Variants in HPSE2 observed in about 807,000 individuals in gnomAD.
HPSE2 encodes inactive heparanase-2.
A neutral mutation model predicts 60.5 loss-of-function variants in HPSE2; 38 were observed. The ratio of observed to expected loss-of-function variants is 0.63; its 90% CI spans 0.48 to 0.82. The LOEUF is 0.82. HPSE2 is among the 40% of genes least tolerant of loss of function. The pLI, the probability that HPSE2 is intolerant of heterozygous loss-of-function variation, is 0.00. For missense variants in HPSE2, 713 were observed against 740.4 expected (o/e 0.96, Z 0.43); for synonymous variants, 295 against 293.2 (o/e 1.01, Z -0.06).
At chr10:99,104,498 G>A (rs1391218441) in intron 3 of HPSE2, among the ~76,000 whole-genome samples, 2 of 152,186 alleles carry the variant, frequency 1.3e-5, no homozygotes, top group Non-Finnish European at 2.9e-5. Context: ...GTGGAAGACA[G>A]TGTGGCAATT....
chr10:98,712,757 A>T (rs1391838434), intron 5 of HPSE2, among the ~76,000 whole-genome samples: 1 of 152,110 alleles, frequency 6.6e-6, no homozygotes. Flanking sequence ...AAAACTGTCT[A>T]GCTTTCTATT....
chr10:99,257,810 G>A, the HPSE2 span, among the ~76,000 whole-genome samples: 2 of 152,108 alleles, frequency 1.3e-5, no homozygotes, highest in East Asian at 1.9e-4. Context: ...CGGCTTGTGG[G>A]GCATCACGGA....
intron 3 of HPSE2, among the ~76,000 whole-genome samples, chr10:98,857,113 G>C (rs931888842): frequency 2.0e-5 from 3 of 152,156 alleles, no homozygotes; most frequent in Non-Finnish European, 4.4e-5. Context: ...TCTTTCAGGA[G>C]ATAGCAGACT....
At chr10:98,770,346 T>G (rs1950213860) in intron 3 of HPSE2, among the ~76,000 whole-genome samples, 1 of 152,182 alleles carries the variant, frequency 6.6e-6, no homozygotes, top group Non-Finnish European at 1.5e-5. Context: ...TTTGTGTATG[T>G]GTGTGCATGT....
intron 4 of HPSE2, 21 bp downstream of exon 4, chr10:98,743,862 G>C (rs1472303195): frequency 6.2e-7 from 1 of 1,605,576 alleles, no homozygotes; most frequent in African/African-American, 1.3e-5. Context: ...TCAATTCAGA[G>C]GAAGTAACAT....
Position 99,217,439 on chromosome 10 carries a change from T to C in HPSE2, c.448+14909A>G, listed in dbSNP as rs1386993403. ...TAGATTTGAAGGCCACTACAGACCA[T>C]CTGAAGTGCATTTGGCAAATCAACT... On this transcript the variant is annotated intron_variant, in intron 2 of 11. Transcript: ENST00000370552. Among the ~76,000 whole-genome samples, 5 of 152,092 alleles carry C rather than the reference T, an allele frequency of 3.3e-5. No homozygotes were observed. The South Asian group carries it at 1.0e-3, about 32-fold the overall frequency.
intron 2 of HPSE2, among the ~76,000 whole-genome samples, chr10:99,216,407 C>T (rs1245779369): frequency 6.6e-6 from 1 of 152,046 alleles, no homozygotes; most frequent in Non-Finnish European, 1.5e-5. Flanking sequence ...ATTGGCCAGG[C>T]TTGTCTCGAA....
the HPSE2 span, among the ~76,000 whole-genome samples, chr10:99,300,387 T>C: frequency 1.3e-5 from 2 of 152,190 alleles, no homozygotes; most frequent in Non-Finnish European, 1.5e-5. Flanking sequence ...GCAAAAATAC[T>C]GAGTTCTTAT....
the HPSE2 span, among the ~76,000 whole-genome samples, chr10:99,288,339 T>C: frequency 6.6e-6 from 1 of 152,204 alleles, no homozygotes; most frequent in Non-Finnish European, 1.5e-5. Context: ...TGTGATTTTA[T>C]GTTGTATATA....
intron 2 of HPSE2, among the ~76,000 whole-genome samples, chr10:99,186,726 T>G (rs1454511374): frequency 6.6e-6 from 1 of 152,090 alleles, no homozygotes; most frequent in Admixed American, 6.6e-5. Flanking sequence ...GAGGCATGCT[T>G]ATTCTTTAAA....
At chr10:99,305,984 C>CACACACACACAG in the HPSE2 span, among the ~76,000 whole-genome samples, 1 of 146,038 alleles carries the variant, frequency 6.8e-6, no homozygotes, top group African/African-American at 2.6e-5. Flanking sequence ...CGCGCGCACA[C>CACACACACACAG]ACACACACAC....
rs549199985 is a variant in HPSE2, at chr10:98,812,463, A to G, written c.611-68407T>C. On this transcript the variant is annotated intron_variant, in intron 3 of 11. Coordinates refer to ENST00000370552, the MANE Select transcript of HPSE2 (RefSeq NM_021828.5). ...CAACCATTTTAGCAAGCCACCTCAG[A>G]TGAGTCTGATGCAGATGGTCCATGA... Among the ~76,000 whole-genome samples, 164 of 152,278 alleles carry G rather than the reference A, an allele frequency of 1.1e-3. 2 individuals are homozygous for G. Among genetic ancestry groups the G allele is most frequent in the Middle Eastern group, 0.01 (3 of 294 alleles).
At chr10:98,592,625 T>C (rs1212028618) in intron 9 of HPSE2, among the ~76,000 whole-genome samples, 5 of 152,228 alleles carry the variant, frequency 3.3e-5, no homozygotes, top group Admixed American at 6.5e-5. Flanking sequence ...TTTCAATTTT[T>C]TGTGGTCCAG....
intron 3 of HPSE2, among the ~76,000 whole-genome samples, chr10:98,984,411 A>G (rs948703168): frequency 6.6e-6 from 1 of 152,228 alleles, no homozygotes; most frequent in Admixed American, 6.5e-5. Context: ...GCAAACTCCA[A>G]CAGAACTGCA....
At chr10:98,699,816 AC>A (rs1948349963) in intron 5 of HPSE2, among the ~76,000 whole-genome samples, 1 of 120,836 alleles carries the variant, frequency 8.3e-6, no homozygotes, top group Non-Finnish European at 1.8e-5. Context: ...AAATCAATGT[AC>A]AAAAATCACA....
chr10:98,910,306 G>T (rs1421360630), intron 3 of HPSE2, among the ~76,000 whole-genome samples: 1 of 152,100 alleles, frequency 6.6e-6, no homozygotes, highest in East Asian at 1.9e-4. Context: ...GCTGCCCTCA[G>T]TATAGCATCA....
rs201952418 is a variant in HPSE2, at chr10:98,594,181, A to AT, written c.1320+20722dup. Among the ~76,000 whole-genome samples, 334 of 152,192 alleles carry AT rather than the reference A, an allele frequency of 2.2e-3. 3 individuals carry two copies. Among genetic ancestry groups the AT allele is most frequent in the African/African-American group, 7.2e-3 (297 of 41,532 alleles). ...TGAGAACACAAATATATTCTTAGTG[A>AT]TTTTCAAGAATACATTTTTATTAAC... is the stretch of plus-strand genomic sequence containing the variant. On this transcript the variant is annotated intron_variant, in intron 9 of 11. Transcript: ENST00000370552.
chr10:99,299,897 C>T, the HPSE2 span, among the ~76,000 whole-genome samples: 15 of 152,052 alleles, frequency 9.9e-5, 1 homozygote, highest in South Asian at 2.7e-3. Context: ...GTGTGCATTG[C>T]GTTACTTAGT....
At chr10:99,078,739 G>GT (rs956164992) in intron 3 of HPSE2, among the ~76,000 whole-genome samples, 21 of 152,070 alleles carry the variant, frequency 1.4e-4, no homozygotes, top group Non-Finnish European at 2.5e-4. Context: ...ATATATCCTT[G>GT]TTTTTTTATT....
Sources: gnomAD v4.1 joint callset for allele counts (sites outside exome capture counted in the v4.1 genomes callset) on GRCh38, gnomAD v4.1.1 for gene constraint, MANE v1.5 for transcripts, NCBI Gene and HGNC (gene_info 2026-07-23, HGNC 2026-07-21) for gene names.